The following GPD2 variants were observed in gnomAD, a reference collection of about 807,000 sequenced individuals.
GPD2 encodes the protein glycerol-3-phosphate dehydrogenase, mitochondrial.
Under a neutral mutation model 82.4 loss-of-function variants are expected in GPD2, and 54 were observed. That is an observed-to-expected ratio of 0.66 (90% CI 0.53 to 0.82). The LOEUF is 0.82. Among genes scored for constraint, GPD2 ranks in the 40% least tolerant of loss-of-function variants. GPD2 has a pLI of 0.00. For synonymous variants in GPD2, 288 were observed against 306.1 expected (o/e 0.94, Z 0.62); for missense variants, 748 against 896.2 (o/e 0.83, Z 2.11).
rs764415213 is a variant in GPD2, at chr2:156,550,691, G to T, written c.916G>T (p.Ala306Ser). ...SVRKMDDKDA[A>S]AICQPSAGVH... The stretch of plus-strand genomic sequence containing the variant: ...GCGCAAAATGGATGATAAAGACGCA[G>T]CAGCTATCTGCCAGCCAAGTGCTGG... Residue 306 changes from alanine to serine, a missense_variant, in exon 8 of 17, where the codon GCA becomes TCA. By Grantham distance (99) the Ala-to-Ser change is moderately conservative. Transcript: ENST00000438166. 20 of 1,613,798 alleles carry T rather than the reference G, an allele frequency of 1.2e-5. No homozygotes were observed. The East Asian group carries it at 4.5e-4, about 36-fold the overall frequency.
At chr2:156,573,211 T>C (rs1034920221) in intron 13 of GPD2, among the ~76,000 whole-genome samples, 1 of 152,282 alleles carries the variant, frequency 6.6e-6, no homozygotes, top group East Asian at 1.9e-4. Context: ...TTTACCCCCA[T>C]GTTATAGCTG....
intron 13 of GPD2, among the ~76,000 whole-genome samples, chr2:156,575,872 C>T (rs1045517083): frequency 1.3e-5 from 2 of 152,142 alleles, no homozygotes; most frequent in Non-Finnish European, 2.9e-5. Context: ...GTCATAAGCA[C>T]CTTGTCCTAG....
chr2:156,474,657 T>C (rs1191587054), intron 1 of GPD2, among the ~76,000 whole-genome samples: 2 of 152,226 alleles, frequency 1.3e-5, no homozygotes, highest in East Asian at 3.8e-4. Context: ...AAAGGATTTT[T>C]GATGGAATTT....
chr2:156,491,862 C>T (rs930175975), intron 2 of GPD2, among the ~76,000 whole-genome samples: 5 of 151,646 alleles, frequency 3.3e-5, no homozygotes, highest in Admixed American at 6.6e-5. Flanking sequence ...ACTACTAAAA[C>T]TATAAAAATT....
chr2:156,468,263 G>A (rs1683212413), intron 1 of GPD2, among the ~76,000 whole-genome samples: 1 of 152,142 alleles, frequency 6.6e-6, no homozygotes, highest in Non-Finnish European at 1.5e-5. Context: ...TTTTACTGTG[G>A]ACTTGCTGTC....
At chr2:156,486,112 G>C (rs879270243) in intron 2 of GPD2, among the ~76,000 whole-genome samples, 10 of 152,154 alleles carry the variant, frequency 6.6e-5, no homozygotes, top group Non-Finnish European at 1.3e-4. Flanking sequence ...ACTCTATATG[G>C]TTAACTGTTT....
At chr2:156,577,195 C>T (rs1687852829) in intron 13 of GPD2, among the ~76,000 whole-genome samples, 1 of 152,046 alleles carries the variant, frequency 6.6e-6, no homozygotes, top group Non-Finnish European at 1.5e-5. Flanking sequence ...GAAAAATCAA[C>T]TGATGGCTGG....
chr2:156,547,248 C>A lies in GPD2; in HGVS notation c.662-2360C>A, dbSNP rs149432149. Among the ~76,000 whole-genome samples, 836 of 152,170 alleles carry A rather than the reference C, an allele frequency of 5.5e-3. 13 individuals carry two copies. Among genetic ancestry groups the A allele is most frequent in the African/African-American group, 0.019 (768 of 41,508 alleles). ...AGGTGTATACAAGATAAAATGTTGA[C>A]CCAGAGGAAGCAGTGAATAATTTTG... is the stretch of plus-strand genomic sequence containing the variant. On this transcript the variant is annotated intron_variant, in intron 6 of 16. Coordinates refer to ENST00000438166, the MANE Select transcript of GPD2 (RefSeq NM_000408.5).
chr2:156,533,249 A>G (rs753472444), intron 6 of GPD2, among the ~76,000 whole-genome samples: 5 of 152,194 alleles, frequency 3.3e-5, no homozygotes, highest in Admixed American at 2.0e-4. Flanking sequence ...GGTGGTTTCT[A>G]TATGTGTAAT....
At chr2:156,449,871 C>G (rs1456852934) in intron 1 of GPD2, among the ~76,000 whole-genome samples, 1 of 18,252 alleles carries the variant, frequency 5.5e-5, no homozygotes, top group African/African-American at 8.3e-5. Context: ...AAAAAAAAGC[C>G]GGGCATGGTG....
intron 6 of GPD2, among the ~76,000 whole-genome samples, chr2:156,523,674 A>ATAGATAGG (rs746356986): frequency 1.0e-4 from 11 of 107,260 alleles, no homozygotes; most frequent in African/African-American, 4.2e-4. Context: ...TCTTTTCTAG[A>ATAGATAGG]TAGATAGATA....
At chr2:156,490,394 A>C (rs1034066148) in intron 2 of GPD2, among the ~76,000 whole-genome samples, 1 of 151,842 alleles carries the variant, frequency 6.6e-6, no homozygotes, top group African/African-American at 2.4e-5. Context: ...ATGGAAAAAA[A>C]AAAAAAACAA....
chr2:156,581,976 GTA>G (rs1019408378), intron 16 of GPD2, among the ~76,000 whole-genome samples: 2 of 151,490 alleles, frequency 1.3e-5, no homozygotes, highest in Non-Finnish European at 1.5e-5. Flanking sequence ...TATATAATGT[GTA>G]TATATATATG....
At chr2:156,513,573 A>G in intron 6 of GPD2, 77 bp downstream of exon 6, 1 of 1,164,492 alleles carries the variant, frequency 8.6e-7, no homozygotes, top group Non-Finnish European at 1.3e-6. Flanking sequence ...ATTCTTAAGG[A>G]GATAGTTTTG....
chr2:156,406,030 C>G, the GPD2 span, among the ~76,000 whole-genome samples: 1 of 151,128 alleles, frequency 6.6e-6, no homozygotes, highest in Non-Finnish European at 1.5e-5. Context: ...AATACAAAGT[C>G]ACCAAAGCAA....
intron 2 of GPD2, among the ~76,000 whole-genome samples, chr2:156,487,489 T>C (rs1273224418): frequency 6.6e-6 from 1 of 152,170 alleles, no homozygotes; most frequent in Admixed American, 6.5e-5. Context: ...AAGTGACCTA[T>C]ACATATAGGC....
chr2:156,429,754 A>C, the GPD2 span, among the ~76,000 whole-genome samples: 1 of 152,168 alleles, frequency 6.6e-6, no homozygotes, highest in Non-Finnish European at 1.5e-5. Flanking sequence ...CTGACATGGA[A>C]AGATTTTCTG....
At chr2:156,494,662 A>G (rs1316018831) in intron 2 of GPD2, among the ~76,000 whole-genome samples, 6 of 152,212 alleles carry the variant, frequency 3.9e-5, no homozygotes, top group Non-Finnish European at 7.3e-5. Context: ...CCTCTTGCAC[A>G]TGCTTTGGCC....
chr2:156,401,862 GA>G, the GPD2 span, among the ~76,000 whole-genome samples: 3 of 152,128 alleles, frequency 2.0e-5, no homozygotes, highest in Non-Finnish European at 4.4e-5. Flanking sequence ...TATAGGAGGG[GA>G]AAAAAATAAA....
Sources: gnomAD v4.1 joint callset for allele counts (sites outside exome capture counted in the v4.1 genomes callset) on GRCh38, gnomAD v4.1.1 for gene constraint, MANE v1.5 for transcripts, NCBI Gene and HGNC (gene_info 2026-07-23, HGNC 2026-07-21) for gene names.